NEGR1: variants seen among roughly 807,000 people sequenced by gnomAD.
NEGR1 encodes the protein neuronal growth regulator 1.
Under a neutral mutation model 40.9 loss-of-function variants are expected in NEGR1, and 10 were observed. That is an observed-to-expected ratio of 0.24 (90% confidence interval 0.15 to 0.42). The LOEUF (loss-of-function observed/expected upper bound fraction) is 0.42, where lower values mean the gene tolerates loss of function less well. NEGR1 is among the 10% of genes least tolerant of loss of function. The probability of loss-of-function intolerance (pLI) is 1.00; values close to 1 mark genes in which losing one functional copy is unlikely to be tolerated. For missense variants in NEGR1, 352 were observed against 438.9 expected, an observed-to-expected ratio of 0.80 and a Z score of 1.77; for synonymous variants, 185 against 166.8, an observed-to-expected ratio of 1.11 and a Z score of -0.84.
intron 2 of NEGR1, among the ~76,000 whole-genome samples, chr1:71,785,543 A>T (rs1212726774): frequency 1.3e-5 from 2 of 152,150 alleles, no homozygotes; most frequent in Non-Finnish European, 2.9e-5. Flanking sequence ...ATTTATATTA[A>T]GGAAAGCAAG....
At chr1:71,459,814 T>G (rs1646701067) in intron 6 of NEGR1, among the ~76,000 whole-genome samples, 1 of 152,188 alleles carries the variant, frequency 6.6e-6, no homozygotes, top group African/African-American at 2.4e-5. Context: ...TAGAATTCCT[T>G]TAGTTCCTTC....
intron 1 of NEGR1, among the ~76,000 whole-genome samples, chr1:72,181,386 T>C (rs1652362896): frequency 6.6e-6 from 1 of 152,126 alleles, no homozygotes; most frequent in Non-Finnish European, 1.5e-5. Context: ...ACTCTTGCAC[T>C]TTCTTTGTCC....
chr1:71,903,537 A>G (rs1661196619), intron 2 of NEGR1, among the ~76,000 whole-genome samples: 1 of 151,994 alleles, frequency 6.6e-6, no homozygotes, highest in African/African-American at 2.4e-5. Flanking sequence ...TCTTTCATCA[A>G]GAAATATCCT....
At chr1:71,734,085 A>G (rs1654971498) in intron 3 of NEGR1, among the ~76,000 whole-genome samples, 1 of 152,218 alleles carries the variant, frequency 6.6e-6, no homozygotes, top group African/African-American at 2.4e-5. Context: ...GAAGGTTGGG[A>G]CTGATGCATT....
intron 2 of NEGR1, among the ~76,000 whole-genome samples, chr1:71,899,641 A>T (rs764263482): frequency 1.3e-5 from 2 of 152,212 alleles, no homozygotes; most frequent in Non-Finnish European, 2.9e-5. Context: ...TTCTAATTAA[A>T]TATGAAATCA....
intron 2 of NEGR1, among the ~76,000 whole-genome samples, chr1:71,811,771 C>T (rs1353577516): frequency 6.6e-6 from 1 of 150,898 alleles, no homozygotes; most frequent in Non-Finnish European, 1.5e-5. Flanking sequence ...TTAATGTTTA[C>T]TGAATAAAGA....
At chr1:72,195,606 T>C (rs974254790) in intron 1 of NEGR1, among the ~76,000 whole-genome samples, 3 of 151,854 alleles carry the variant, frequency 2.0e-5, no homozygotes, top group African/African-American at 7.3e-5. Flanking sequence ...TTTATTTGTA[T>C]GTTTCTGCAA....
rs36028456 is a variant in NEGR1 at position 72,085,968 on chromosome 1, C to CA, written c.177-150658dup. Among the ~76,000 whole-genome samples, 527 of 62,756 alleles carry CA rather than the reference C, an allele frequency of 8.4e-3. 5 individuals carry two copies. The highest frequency in any genetic ancestry group is 0.016 in the East Asian group (38 of 2,374). 41.2% of individuals were successfully genotyped at this position (62,756 alleles called of 152,430 possible). A position where few individuals can be genotyped will look rare whatever the true frequency, so the allele number is the denominator to read the frequency against. On this transcript the variant is annotated intron_variant, in intron 1 of 6. Transcript: ENST00000357731. ...CTGGCGACAGAGTGAGACTCTGTCTCAAAAAAAAAAAAAAAAAAAAAAGAG... is the reference window on the plus strand; with the variant it reads ...CTGGCGACAGAGTGAGACTCTGTCTCAAAAAAAAAAAAAAAAAAAAAAAGAG...
At chr1:72,116,890 CA>C (rs1352371221) in intron 1 of NEGR1, among the ~76,000 whole-genome samples, 1 of 151,638 alleles carries the variant, frequency 6.6e-6, no homozygotes, top group Non-Finnish European at 1.5e-5. Flanking sequence ...ATTTTGATAA[CA>C]AGAATATTAA....
intron 1 of NEGR1, among the ~76,000 whole-genome samples, chr1:72,064,429 C>T (rs900440926): frequency 1.1e-4 from 17 of 152,012 alleles, no homozygotes; most frequent in Non-Finnish European, 1.0e-4. Flanking sequence ...AAGATAAATT[C>T]TGACTGAACA....
intron 6 of NEGR1, among the ~76,000 whole-genome samples, chr1:71,512,003 CAGTT>C (rs1246066903): frequency 2.6e-5 from 4 of 152,168 alleles, no homozygotes; most frequent in East Asian, 3.9e-4. Context: ...AACGTGTAAA[CAGTT>C]AGATATACTG....
At chr1:71,506,045 C>T (rs765327118) in intron 6 of NEGR1, among the ~76,000 whole-genome samples, 7 of 152,078 alleles carry the variant, frequency 4.6e-5, no homozygotes, top group Admixed American at 2.6e-4. Context: ...GAGAAAATAT[C>T]GGGAATAGTG....
At chr1:71,901,125 G>A (rs1002483962) in intron 2 of NEGR1, among the ~76,000 whole-genome samples, 4 of 152,242 alleles carry the variant, frequency 2.6e-5, no homozygotes, top group Admixed American at 2.6e-4. Context: ...TGTCAATGAA[G>A]CAGCCATATA....
chr1:71,697,892 G>A, intron 4 of NEGR1, 116 bp downstream of exon 4: 1 of 933,688 alleles, frequency 1.1e-6, no homozygotes, highest in Non-Finnish European at 1.6e-6. Flanking sequence ...GTGTTAGTAG[G>A]TGATTTTTAC....
At chr1:71,691,938 A>G (rs954706995) in intron 4 of NEGR1, among the ~76,000 whole-genome samples, 1 of 151,488 alleles carries the variant, frequency 6.6e-6, no homozygotes, top group African/African-American at 2.4e-5. Context: ...ATCAGGGCTA[A>G]GGCCTATTAG....
intron 1 of NEGR1, among the ~76,000 whole-genome samples, chr1:72,016,929 A>G (rs1223557826): frequency 6.6e-6 from 1 of 152,164 alleles, no homozygotes; most frequent in Admixed American, 6.5e-5. Flanking sequence ...GCAACCTTTG[A>G]GCATGATTTT....
chr1:71,969,300 C>G (rs1646236928), intron 1 of NEGR1, among the ~76,000 whole-genome samples: 2 of 152,208 alleles, frequency 1.3e-5, no homozygotes, highest in Admixed American at 6.5e-5. Flanking sequence ...CAGGCATGAG[C>G]CACCATGCCC....
At chr1:72,091,928 G>A (rs752944874) in intron 1 of NEGR1, among the ~76,000 whole-genome samples, 13 of 151,952 alleles carry the variant, frequency 8.6e-5, no homozygotes, top group Non-Finnish European at 1.8e-4. Context: ...TTATTATAAG[G>A]ACACTAATCC....
chr1:71,979,969 A>G (rs1646340346), intron 1 of NEGR1, among the ~76,000 whole-genome samples: 1 of 152,180 alleles, frequency 6.6e-6, no homozygotes, highest in Non-Finnish European at 1.5e-5. Context: ...TAGTGAAACA[A>G]AACAAAACAA....
Sources: allele counts gnomAD v4.1 joint callset (sites outside exome capture counted in the v4.1 genomes callset), GRCh38; gene constraint gnomAD v4.1.1; transcripts MANE v1.5; gene names NCBI Gene and HGNC (gene_info 2026-07-23, HGNC 2026-07-21).